The following SH3PXD2A variants were observed in gnomAD, a reference collection of about 807,000 sequenced individuals.
SH3PXD2A encodes SH3 and PX domain-containing protein 2A.
Under a neutral mutation model 115.2 loss-of-function variants are expected in SH3PXD2A, and 32 were observed. The observed-to-expected ratio is 0.28, with a 90% CI of 0.21 to 0.37. SH3PXD2A has a LOEUF of 0.37. Ranked by LOEUF, SH3PXD2A falls within the 10% of genes least tolerant of loss-of-function variation. The pLI, the probability that SH3PXD2A is intolerant of heterozygous loss-of-function variation, is 1.00. For missense variants in SH3PXD2A, 1,328 were observed against 1,498.7 expected, an observed-to-expected ratio of 0.89 and a Z score of 1.88; for synonymous variants, 610 against 629.1, an observed-to-expected ratio of 0.97 and a Z score of 0.45.
At chr10:103,769,891 A>T (rs183775607) in intron 2 of SH3PXD2A, among the ~76,000 whole-genome samples, 2 of 152,334 alleles carry the variant, frequency 1.3e-5, no homozygotes, top group African/African-American at 4.8e-5. Context: ...ACATTTTCAA[A>T]TAAATTCTAT....
intron 5 of SH3PXD2A, among the ~76,000 whole-genome samples, chr10:103,709,223 T>A (rs973532603): frequency 5.9e-5 from 9 of 152,008 alleles, no homozygotes; most frequent in African/African-American, 2.2e-4. Flanking sequence ...CTCCAAATGC[T>A]CCAAGCCTGG....
intron 8 of SH3PXD2A, among the ~76,000 whole-genome samples, chr10:103,636,801 C>T (rs1290771467): frequency 6.6e-6 from 1 of 152,178 alleles, no homozygotes; most frequent in Non-Finnish European, 1.5e-5. Context: ...TCCTCTCGTC[C>T]TCCCGCTCTG....
chr10:103,703,008 G>A lies in SH3PXD2A; in HGVS notation c.399-9952C>T, dbSNP rs146333512. On this transcript the variant is annotated intron_variant, in intron 5 of 14. Transcript: ENST00000369774. ...CTGCAGAGCACAGACCTCTTGGGTC[G>A]ATCCTTGGCTGATGGCCCCTAACTC... is the stretch of plus-strand genomic sequence containing the variant. Among the ~76,000 whole-genome samples the A allele has an allele frequency of 3.3e-3, 508 of 152,290 alleles. 5 individuals carry two copies. Among genetic ancestry groups the A allele is most frequent in the African/African-American group, 0.012 (492 of 41,554 alleles).
At chr10:103,673,897 G>A (rs1458923131) in intron 6 of SH3PXD2A, among the ~76,000 whole-genome samples, 1 of 152,170 alleles carries the variant, frequency 6.6e-6, no homozygotes, top group Non-Finnish European at 1.5e-5. Context: ...TCCCCACCCT[G>A]GGCTCTGGGG....
rs60364879 is a variant in SH3PXD2A, at chr10:103,753,317, C to CAAAAAAA, written c.229+13770_229+13776dup. Among the ~76,000 whole-genome samples the CAAAAAAA allele has an allele frequency of 8.3e-4, 52 of 62,858 alleles. 1 individual carries two copies. The highest frequency in any genetic ancestry group is 3.0e-3 in the African/African-American group (48 of 15,962). The allele number at this position is 62,858 out of a possible 152,430, so 41.2% of individuals were successfully genotyped here. Reference sequence around the variant, plus strand: ...CAACATGGTGAAACCCTGCCTCTACCAAAAAAAAAAAAAAAAAAAAAAAAA... The same window carrying CAAAAAAA: ...CAACATGGTGAAACCCTGCCTCTACCAAAAAAAAAAAAAAAAAAAAAAAAAAAAAAAA... On this transcript the variant is annotated intron_variant, in intron 3 of 14. Coordinates refer to ENST00000369774, the MANE Select transcript of SH3PXD2A (RefSeq NM_001394015.1).
In SH3PXD2A at chr10:103,601,432, G is replaced by GC. The variant is rs1425869048; in HGVS notation, c.*383dup. On this transcript the variant is annotated 3_prime_UTR_variant, in exon 15 of 15. Coordinates refer to ENST00000369774, the MANE Select transcript of SH3PXD2A (RefSeq NM_001394015.1). Reference sequence around the variant, plus strand: ...GCCAAGCAGGGGCAGGACACTGGAGGCCCCCATGACCTTGTCTTTTCCAGA... The same window carrying GC: ...GCCAAGCAGGGGCAGGACACTGGAGGCCCCCCATGACCTTGTCTTTTCCAGA... 5.8e-6 allele frequency: 1 copy of GC among 171,662 alleles called. No individual in the cohort carries two copies. The highest frequency in any genetic ancestry group is 2.4e-5 in the African/African-American group (1 of 41,994). 10.6% of individuals were successfully genotyped at this position (171,662 alleles called of 1,614,324 possible). A position where few individuals can be genotyped will look rare whatever the true frequency, so the allele number is the denominator to read the frequency against.
At chr10:103,713,246 C>T (rs981859077) in intron 5 of SH3PXD2A, among the ~76,000 whole-genome samples, 1 of 152,220 alleles carries the variant, frequency 6.6e-6, no homozygotes, top group Non-Finnish European at 1.5e-5. Flanking sequence ...TCCCTTTCAT[C>T]TCGGACTATG....
intron 1 of SH3PXD2A, among the ~76,000 whole-genome samples, chr10:103,839,380 G>A (rs1032179296): frequency 7.9e-5 from 12 of 152,242 alleles, no homozygotes; most frequent in South Asian, 2.1e-4. Context: ...GGGATGCTCC[G>A]CCTTCTCTGA....
intron 7 of SH3PXD2A, chr10:103,661,731 A>C (rs913197096): frequency 1.0e-6 from 1 of 985,270 alleles, no homozygotes; most frequent in Non-Finnish European, 1.2e-6. Context: ...GCGAGGAGTC[A>C]AGAGGGTTTG....
chr10:103,636,375 C>T (rs1403126191), intron 8 of SH3PXD2A, among the ~76,000 whole-genome samples: 2 of 149,526 alleles, frequency 1.3e-5, no homozygotes, highest in Admixed American at 6.7e-5. Flanking sequence ...TACCACTGCA[C>T]TCCAGCCTGG....
intron 8 of SH3PXD2A, among the ~76,000 whole-genome samples, chr10:103,638,882 A>AG (rs1458688689): frequency 5.3e-5 from 8 of 152,332 alleles, no homozygotes; most frequent in African/African-American, 1.7e-4. Flanking sequence ...CTGGAGTTTC[A>AG]GGGGGAGAGA....
rs182810465 is a variant in SH3PXD2A at position 103,678,142 on chromosome 10, C to T, written c.428-9490G>A. The T allele has an allele frequency of 2.1e-3, 2,656 of 1,289,126 alleles. 58 individuals are homozygous for T. The highest frequency in any genetic ancestry group is 1.3e-3 in the Non-Finnish European group (1,247 of 988,642). 79.9% of individuals were successfully genotyped at this position (1,289,126 alleles called of 1,614,324 possible). On this transcript the variant is annotated intron_variant, in intron 6 of 14. Coordinates refer to ENST00000369774, the MANE Select transcript of SH3PXD2A (RefSeq NM_001394015.1). ...CAGGAAACAGGAGCCGGAGCAGGAACGACCCGTTCATGTGTAATGTCTGGG... is the reference window on the plus strand; with the variant it reads ...CAGGAAACAGGAGCCGGAGCAGGAATGACCCGTTCATGTGTAATGTCTGGG...
At chr10:103,684,485 A>C (rs1168022935) in intron 6 of SH3PXD2A, among the ~76,000 whole-genome samples, 2 of 151,732 alleles carry the variant, frequency 1.3e-5, no homozygotes, top group African/African-American at 2.4e-5. Context: ...CAGCCTCCCG[A>C]GTAGCTGGGA....
At chr10:103,604,593 T>G (rs1350770691) in intron 14 of SH3PXD2A, among the ~76,000 whole-genome samples, 1 of 150,930 alleles carries the variant, frequency 6.6e-6, no homozygotes, top group African/African-American at 2.4e-5. Flanking sequence ...GGTCCTGGGG[T>G]GGGGAAGGGG....
intron 3 of SH3PXD2A, among the ~76,000 whole-genome samples, chr10:103,739,248 G>A (rs898762819): frequency 6.6e-5 from 10 of 152,182 alleles, no homozygotes; most frequent in African/African-American, 2.2e-4. Context: ...TGAGGCCACC[G>A]GGCCACTGTG....
In SH3PXD2A at chr10:103,622,505, G is replaced by T; in HGVS notation, c.767C>A (p.Thr256Asn). The T allele has an allele frequency of 6.5e-7, 1 of 1,550,352 alleles. No individual in the cohort carries two copies. Reference protein sequence around the residue: ...AHLRRLDRRWTLGGMVNRQHS... With the variant: ...AHLRRLDRRWNLGGMVNRQHS... ...CTGCCTGTTGACCATCCCGCCCAGG[G>T]TCCACCGGCGATCCAGGCGCCGCAG... The change falls in exon 10 of 15, where the codon ACC becomes AAC. Residue 256 changes from threonine (T) to asparagine (N), a missense_variant. Physicochemically the swap from Thr to Asn is moderately conservative, Grantham distance 65. Coordinates refer to ENST00000369774, the MANE Select transcript of SH3PXD2A (RefSeq NM_001394015.1).
At chr10:103,662,083 G>T in intron 7 of SH3PXD2A, 1 of 513,582 alleles carries the variant, frequency 1.9e-6, no homozygotes. Flanking sequence ...GCCTTTCAGT[G>T]CCGGGGCTTG....
chr10:103,852,718 T>G (rs1176651191), intron 1 of SH3PXD2A, among the ~76,000 whole-genome samples: 1 of 152,224 alleles, frequency 6.6e-6, no homozygotes, highest in Non-Finnish European at 1.5e-5. Context: ...CTCCTGCCCC[T>G]GTCTGTCCCA....
chr10:103,763,277 A>G (rs926638624), intron 3 of SH3PXD2A, among the ~76,000 whole-genome samples: 3 of 152,176 alleles, frequency 2.0e-5, no homozygotes, highest in African/African-American at 7.2e-5. Flanking sequence ...GCCAAAGCAA[A>G]TCAGCTGGCC....
Sources: allele counts gnomAD v4.1 joint callset (sites outside exome capture counted in the v4.1 genomes callset), GRCh38; gene constraint gnomAD v4.1.1; transcripts MANE v1.5; gene names NCBI Gene and HGNC (gene_info 2026-07-23, HGNC 2026-07-21).